Variants in ITFG1 observed in about 807,000 individuals in gnomAD.
ITFG1 encodes the protein T-cell immunomodulatory protein.
In ITFG1, 34 loss-of-function variants were observed where a neutral mutation model predicts 81.8. The observed-to-expected ratio is 0.42, with a 90% CI of 0.32 to 0.55. The LOEUF (loss-of-function observed/expected upper bound fraction) is 0.55. Among genes scored for constraint, ITFG1 ranks in the 20% least tolerant of loss-of-function variants. ITFG1 has a pLI of 0.17. For missense variants in ITFG1, 672 were observed against 755.4 expected, an observed-to-expected ratio of 0.89 and a Z score of 1.29; for synonymous variants, 285 against 270.6, an observed-to-expected ratio of 1.05 and a Z score of -0.52.
chr16:47,450,568 A>G (rs1453672372), intron 5 of ITFG1: 1 of 235,524 alleles, frequency 4.2e-6, no homozygotes, highest in African/African-American at 2.4e-5. Context: ...AATGAATCAT[A>G]AAAACAAACT....
In ITFG1 at chr16:47,154,830, A is replaced by C. The variant is rs1159274035; in HGVS notation, c.*889T>G. On this transcript the variant is annotated 3_prime_UTR_variant, in exon 18 of 18. Transcript: ENST00000320640. ...TTTTAGGGCACATTAATTCTTGGAG[A>C]GTACTATAATTTTTAGTTAATATGA... 1 of 152,230 alleles carries C rather than the reference A, an allele frequency of 6.6e-6. No individual in the cohort carries two copies. The highest frequency in any genetic ancestry group is 1.5e-5 in the Non-Finnish European group (1 of 68,038). 9.4% of individuals were successfully genotyped at this position (152,230 alleles called of 1,614,324 possible). A position where few individuals can be genotyped will look rare whatever the true frequency, so the allele number is the denominator to read the frequency against.
intron 5 of ITFG1, among the ~76,000 whole-genome samples, chr16:47,446,304 T>C (rs1969324096): frequency 6.6e-6 from 1 of 152,156 alleles, no homozygotes; most frequent in Admixed American, 6.5e-5. Context: ...CATGAATCAC[T>C]CACTCTGGGC....
At chr16:47,172,320 A>G (rs1236709133) in intron 14 of ITFG1, among the ~76,000 whole-genome samples, 1 of 152,156 alleles carries the variant, frequency 6.6e-6, no homozygotes, top group Non-Finnish European at 1.5e-5. Context: ...CCCTGTCTCT[A>G]CTAAAAGGTA....
At chr16:47,260,471 A>G in intron 11 of ITFG1, 74 bp downstream of exon 11, 1 of 1,496,526 alleles carries the variant, frequency 6.7e-7, no homozygotes. Context: ...TTTCTGGTCA[A>G]ATGGAATGAA....
intron 12 of ITFG1, among the ~76,000 whole-genome samples, chr16:47,241,937 G>A (rs1273949258): frequency 6.8e-6 from 1 of 147,230 alleles, no homozygotes; most frequent in African/African-American, 2.5e-5. Context: ...CTGGGTGACA[G>A]AGCAAGACTC....
intron 8 of ITFG1, among the ~76,000 whole-genome samples, chr16:47,344,061 G>A (rs545145075): frequency 6.6e-6 from 1 of 152,242 alleles, no homozygotes; most frequent in African/African-American, 2.4e-5. Flanking sequence ...CCACTTATAT[G>A]AAATATCTAG....
At chr16:47,315,485 T>C (rs1967339260) in intron 8 of ITFG1, among the ~76,000 whole-genome samples, 2 of 152,286 alleles carry the variant, frequency 1.3e-5, no homozygotes, top group African/African-American at 4.8e-5. Context: ...CCCTTCATTT[T>C]TACCCCAATG....
intron 2 of ITFG1, among the ~76,000 whole-genome samples, chr16:47,456,418 G>A (rs1183960931): frequency 2.0e-5 from 3 of 152,084 alleles, no homozygotes; most frequent in South Asian, 2.1e-4. Flanking sequence ...TGCCGGGCGC[G>A]GTGGCTCATG....
intron 13 of ITFG1, among the ~76,000 whole-genome samples, chr16:47,223,518 C>A (rs1307892056): frequency 1.3e-5 from 2 of 152,140 alleles, no homozygotes; most frequent in African/African-American, 2.4e-5. Context: ...CAATGAGATA[C>A]CATCTCACAC....
intron 1 of ITFG1, 147 bp downstream of exon 1, chr16:47,460,691 G>C (rs1969522537): frequency 2.4e-6 from 2 of 848,430 alleles, no homozygotes; most frequent in Middle Eastern, 3.1e-4. Context: ...AAAAGGACAA[G>C]CTGTTAAGAA....
chr16:47,281,441 A>G (rs1406360670), intron 10 of ITFG1, among the ~76,000 whole-genome samples: 1 of 152,176 alleles, frequency 6.6e-6, no homozygotes, highest in Admixed American at 6.6e-5. Flanking sequence ...ATTTTCTGGA[A>G]GAGCTTATGT....
At chr16:47,453,988 T>C (rs764148245) in intron 3 of ITFG1, 25 bp downstream of exon 3, 11 of 1,446,012 alleles carry the variant, frequency 7.6e-6, no homozygotes, top group Middle Eastern at 1.8e-4. Flanking sequence ...ATGATAAATA[T>C]TAAAAATTTT....
intron 14 of ITFG1, among the ~76,000 whole-genome samples, chr16:47,195,038 T>C (rs1445169733): frequency 1.3e-5 from 2 of 152,190 alleles, no homozygotes; most frequent in African/African-American, 4.8e-5. Flanking sequence ...AATTGTCCAT[T>C]CTCTAAGACT....
chr16:47,274,459 T>C (rs768137627), intron 10 of ITFG1, among the ~76,000 whole-genome samples: 5 of 152,080 alleles, frequency 3.3e-5, no homozygotes, highest in African/African-American at 4.8e-5. Flanking sequence ...ACAGAACACT[T>C]AGACAATTAA....
chr16:47,155,558 TG>T lies in ITFG1; in HGVS notation c.*160del. 1.8e-6 allele frequency: 1 copy of T among 546,076 alleles called. No individual in the cohort carries two copies. Among genetic ancestry groups the T allele is most frequent in the Non-Finnish European group, 3.2e-6 (1 of 315,094 alleles). 33.8% of individuals were successfully genotyped at this position (546,076 alleles called of 1,614,324 possible). On this transcript the variant is annotated 3_prime_UTR_variant, in exon 18 of 18. Transcript: ENST00000320640. ...CAAAGTGCTTTAAAAAAAAAGACCT[TG>T]TGACATATTCAAACCATATTTATTT... is the stretch of plus-strand genomic sequence containing the variant.
At chr16:47,190,359 A>G (rs1386783521) in intron 14 of ITFG1, among the ~76,000 whole-genome samples, 1 of 152,210 alleles carries the variant, frequency 6.6e-6, no homozygotes, top group African/African-American at 2.4e-5. Context: ...GTGATTTTAA[A>G]CGAAATGTTT....
At chr16:47,169,082 A>G (rs1964927499) in intron 14 of ITFG1, among the ~76,000 whole-genome samples, 1 of 152,162 alleles carries the variant, frequency 6.6e-6, no homozygotes, top group Non-Finnish European at 1.5e-5. Context: ...CCATTGGTTT[A>G]TATGTCTGTC....
chr16:47,202,118 T>C (rs1350577410), intron 14 of ITFG1: 2 of 152,232 alleles, frequency 1.3e-5, no homozygotes, highest in South Asian at 2.1e-4. Context: ...CACATGTTTA[T>C]ATGAGGCTAT....
chr16:47,307,215 G>A (rs1207028899), intron 10 of ITFG1, among the ~76,000 whole-genome samples: 1 of 148,386 alleles, frequency 6.7e-6, no homozygotes, highest in Non-Finnish European at 1.5e-5. Flanking sequence ...AAGACTTAGA[G>A]AAAATTTAAA....
Sources: gnomAD v4.1 joint callset for allele counts (sites outside exome capture counted in the v4.1 genomes callset) on GRCh38, gnomAD v4.1.1 for gene constraint, MANE v1.5 for transcripts, NCBI Gene and HGNC (gene_info 2026-07-23, HGNC 2026-07-21) for gene names.